Variants in ADARB1 observed in about 807,000 individuals in gnomAD.
ADARB1 encodes the protein double-stranded RNA-specific editase 1.
In ADARB1, 10 loss-of-function variants were observed where a neutral mutation model predicts 52.4. The ratio of observed to expected loss-of-function variants is 0.19; its 90% confidence interval spans 0.12 to 0.32. The LOEUF is 0.32. Among genes scored for constraint, ADARB1 ranks in the 10% least tolerant of loss-of-function variants. The pLI, the probability that ADARB1 is intolerant of heterozygous loss-of-function variation, is 1.00. For synonymous variants in ADARB1, 349 were observed against 371.1 expected (o/e 0.94, Z 0.68); for missense variants, 643 against 922.3 (o/e 0.70, Z 3.92).
In ADARB1 at chr21:45,204,314, T is replaced by C. The variant is rs61077819; in HGVS notation, c.1566-241T>C. On this transcript the variant is annotated intron_variant, in intron 8 of 10. Coordinates refer to ENST00000348831, the MANE Select transcript of ADARB1 (RefSeq NM_001112.4). The surrounding 1 kb of genome is among the most constrained non-coding windows in gnomAD (Gnocchi z 4.4). Reference sequence around the variant, plus strand: ...TCTCACAAGAAACATATGTGGCTCATTGATTGTGGGAAAACGTAATGGTAA... The same window carrying C: ...TCTCACAAGAAACATATGTGGCTCACTGATTGTGGGAAAACGTAATGGTAA... Among the ~76,000 whole-genome samples the C allele has an allele frequency of 2.8e-3, 427 of 152,318 alleles. 3 individuals carry two copies. The highest frequency in any genetic ancestry group is 9.3e-3 in the African/African-American group (386 of 41,560).
intron 9 of ADARB1, among the ~76,000 whole-genome samples, chr21:45,207,317 A>T (rs994485212): frequency 6.6e-6 from 1 of 152,224 alleles, no homozygotes; most frequent in African/African-American, 2.4e-5. Flanking sequence ...TCAGCAAAGC[A>T]AGTAGCTTTG....
intron 2 of ADARB1, chr21:45,144,721 C>T (rs1245132947): frequency 6.9e-6 from 3 of 434,798 alleles, no homozygotes; most frequent in East Asian, 7.2e-5. Flanking sequence ...TGTGAAATGA[C>T]TACAAAATGA....
chr21:45,152,244 CCATTTAAACAGGA>C (rs1419625345), intron 2 of ADARB1, among the ~76,000 whole-genome samples: 4 of 145,500 alleles, frequency 2.7e-5, no homozygotes, highest in African/African-American at 1.0e-4. Flanking sequence ...ATTAGGATTT[CCATTTAAACAGGA>C]CTTTGGTACG....
chr21:45,171,712 CAGAT>C lies in ADARB1; in HGVS notation c.28+31_28+34del, dbSNP rs1352572611. On this transcript the variant is annotated intron_variant, in intron 3 of 10. Coordinates refer to ENST00000348831, the MANE Select transcript of ADARB1 (RefSeq NM_001112.4). Reference sequence around the variant, plus strand: ...AAGATCTAGGCCTATCACGTAGTATCAGATAGCTAATTTTATGTTAACATTTTGG... The same window carrying C: ...AAGATCTAGGCCTATCACGTAGTATCAGCTAATTTTATGTTAACATTTTGG... The C allele has an allele frequency of 3.2e-6, 5 of 1,582,628 alleles. No individual in the cohort carries two copies. The African/African-American group carries it at 6.8e-5, about 22-fold the overall frequency.
Position 45,224,145 on chromosome 21 carries a change from G to GT in ADARB1, c.*1949dup. The GT allele has an allele frequency of 1.0e-6, 1 of 985,402 alleles. No homozygotes were observed. Among genetic ancestry groups the GT allele is most frequent in the Non-Finnish European group, 1.2e-6 (1 of 829,940 alleles). The allele number at this position is 985,402 out of a possible 1,614,324, so 61.0% of individuals were successfully genotyped here. The stretch of plus-strand genomic sequence containing the variant: ...TGCATTTTTATTGTCTTGATAAATT[G>GT]TATTTTTTTCTAATGGGGATTGGGA... On this transcript the variant is annotated 3_prime_UTR_variant, in exon 11 of 11. Coordinates refer to ENST00000348831, the MANE Select transcript of ADARB1 (RefSeq NM_001112.4).
intron 1 of ADARB1, among the ~76,000 whole-genome samples, chr21:45,096,990 T>C (rs913450764): frequency 6.6e-6 from 1 of 152,182 alleles, no homozygotes; most frequent in Non-Finnish European, 1.5e-5. Context: ...CCACCCACCT[T>C]GGCCTCCCAA....
intron 9 of ADARB1, among the ~76,000 whole-genome samples, chr21:45,209,257 C>T (rs909382977): frequency 1.3e-5 from 2 of 152,052 alleles, no homozygotes; most frequent in African/African-American, 2.4e-5. Flanking sequence ...AAAAGCCTTT[C>T]GTAATGAGTC....
Position 45,213,594 on chromosome 21 carries a change from G to C in ADARB1, c.1748-7242G>C, listed in dbSNP as rs373841627. 6.1e-4 allele frequency among the ~76,000 whole-genome samples: 93 copies of C among 152,186 alleles called. 1 individual carries two copies. The South Asian group carries it at 9.5e-3, about 16-fold the overall frequency. On this transcript the variant is annotated intron_variant, in intron 9 of 10. Coordinates refer to ENST00000348831, the MANE Select transcript of ADARB1 (RefSeq NM_001112.4). ...TTCCCATCCCCAGTATGTACCATCT[G>C]TCTATATAGATGAGTTTGCATTTTC...
At chr21:45,146,381 C>G (rs1010130249) in intron 2 of ADARB1, 1 of 152,226 alleles carries the variant, frequency 6.6e-6, no homozygotes, top group African/African-American at 2.4e-5. Context: ...AGGAAAGCAA[C>G]AGTCATGAGT....
rs537037182 is a variant in ADARB1 at position 45,157,030 on chromosome 21, G to A, written c.-47-14580G>A. Among the ~76,000 whole-genome samples the A allele has an allele frequency of 3.9e-5, 6 of 152,198 alleles. No homozygotes were observed. Among genetic ancestry groups the A allele is most frequent in the South Asian group, 2.1e-4 (1 of 4,832 alleles). On this transcript the variant is annotated intron_variant, in intron 2 of 10. Coordinates refer to ENST00000348831, the MANE Select transcript of ADARB1 (RefSeq NM_001112.4). The surrounding 1 kb of genome is among the most constrained non-coding windows in gnomAD (Gnocchi z 4.1). ...AGTTGAACCCCCAGTGGACAGCAGC[G>A]TTATGGATAGAAGGCCCAGATCTCC...
intron 2 of ADARB1, among the ~76,000 whole-genome samples, chr21:45,141,168 C>A (rs1443356710): frequency 1.3e-5 from 2 of 152,270 alleles, no homozygotes; most frequent in East Asian, 3.9e-4. Flanking sequence ...TGCACTCCAG[C>A]CTGGGCGACA....
At chr21:45,088,440 A>T (rs1170724159) in intron 1 of ADARB1, among the ~76,000 whole-genome samples, 1 of 152,252 alleles carries the variant, frequency 6.6e-6, no homozygotes, top group Non-Finnish European at 1.5e-5. Flanking sequence ...ATAGGTGTAT[A>T]ATCTATAAAA....
chr21:45,183,776 A>C (rs1328822627), intron 7 of ADARB1, among the ~76,000 whole-genome samples: 2 of 152,240 alleles, frequency 1.3e-5, no homozygotes, highest in Non-Finnish European at 2.9e-5. Context: ...TCAGTATTTA[A>C]ATTTGGGTAA....
At chr21:45,095,960 C>T (rs2086740445) in intron 1 of ADARB1, among the ~76,000 whole-genome samples, 1 of 152,252 alleles carries the variant, frequency 6.6e-6, no homozygotes, top group African/African-American at 2.4e-5. Context: ...TTTTTACCCT[C>T]TCAAATTCCA....
intron 2 of ADARB1, among the ~76,000 whole-genome samples, chr21:45,135,403 G>A (rs1309298439): frequency 2.0e-5 from 3 of 152,238 alleles, no homozygotes; most frequent in Non-Finnish European, 4.4e-5. Flanking sequence ...ATACTGAGGG[G>A]AGTTAAAACC....
At chr21:45,189,736 T>G (rs1341393200) in intron 8 of ADARB1, among the ~76,000 whole-genome samples, 5 of 151,800 alleles carry the variant, frequency 3.3e-5, no homozygotes, top group South Asian at 2.1e-4. Flanking sequence ...CAGGGTTGTT[T>G]TTTTTTTTTT....
chr21:45,211,895 C>T (rs546586645), intron 9 of ADARB1, among the ~76,000 whole-genome samples: 12 of 151,094 alleles, frequency 7.9e-5, no homozygotes, highest in African/African-American at 2.0e-4. Flanking sequence ...TAGACGTATG[C>T]GCTTATGACC....
Position 45,204,929 on chromosome 21 carries a change from C to G in ADARB1, c.1747+193C>G, listed in dbSNP as rs550727646. ...TCTCTAGGGCCTTTTAAGTGAGTCT[C>G]TCTGTAAGATTAATCTCCTTTACCA... On this transcript the variant is annotated intron_variant, in intron 9 of 10. Transcript: ENST00000348831. The surrounding 1 kb of genome is among the most constrained non-coding windows in gnomAD (Gnocchi z 4.4). Among the ~76,000 whole-genome samples, 1 of 152,254 alleles carries G rather than the reference C, an allele frequency of 6.6e-6. No individual in the cohort carries two copies. The highest frequency in any genetic ancestry group is 6.5e-5 in the Admixed American group (1 of 15,278).
chr21:45,204,454 G>A lies in ADARB1; in HGVS notation c.1566-101G>A. On this transcript the variant is annotated intron_variant, in intron 8 of 10. Transcript: ENST00000348831. This position sits in a 1 kb window ranked among gnomAD's most constrained non-coding sequence, Gnocchi z 4.4. The stretch of plus-strand genomic sequence containing the variant: ...TCCTTCGTCAGTTGGTTGGGATCCT[G>A]CGGAATTGCCAGTGCATCCCTGTAA... 8.6e-7 allele frequency: 1 copy of A among 1,163,850 alleles called. No homozygotes were observed. Among genetic ancestry groups the A allele is most frequent in the Non-Finnish European group, 1.2e-6 (1 of 810,762 alleles). 72.1% of individuals were successfully genotyped at this position (1,163,850 alleles called of 1,614,324 possible).
Sources: gnomAD v4.1 joint callset for allele counts (sites outside exome capture counted in the v4.1 genomes callset) on GRCh38, gnomAD v4.1.1 for gene constraint, Gnocchi (gnomAD v3.1) non-coding constraint, MANE v1.5 for transcripts, NCBI Gene and HGNC (gene_info 2026-07-23, HGNC 2026-07-21) for gene names.